SLC14A2: variants seen among roughly 807,000 people sequenced by gnomAD.
SLC14A2 encodes the protein urea transporter 2.
A neutral mutation model predicts 104.6 loss-of-function variants in SLC14A2; 91 were observed. The ratio of observed to expected loss-of-function variants is 0.87; its 90% CI spans 0.73 to 1.04. The LOEUF is 1.04. Among genes scored for constraint, SLC14A2 ranks in the 50% least tolerant of loss-of-function variants. SLC14A2 has a pLI of 0.00. For missense variants in SLC14A2, 1,189 were observed against 1,156.0 expected (o/e 1.03, Z -0.41); for synonymous variants, 476 against 466.4 (o/e 1.02, Z -0.27).
chr18:45,342,706 A>T (rs898980985), intron 1 of SLC14A2, among the ~76,000 whole-genome samples: 11 of 152,224 alleles, frequency 7.2e-5, no homozygotes, highest in Non-Finnish European at 1.5e-4. Context: ...ACTATTCAAG[A>T]CATACTTAGG....
Position 45,475,532 on chromosome 18 carries a change from T to C in SLC14A2, c.-124-7701T>C, listed in dbSNP as rs1418956553. Among the ~76,000 whole-genome samples the C allele has an allele frequency of 2.0e-5, 3 of 150,412 alleles. No homozygotes were observed. The East Asian group carries it at 5.8e-4, about 29-fold the overall frequency. ...TCTCTAAGAACTTGCTTTATGAATATGGGTGCTCCTGTATTGGGTGCATAT... is the reference window on the plus strand; with the variant it reads ...TCTCTAAGAACTTGCTTTATGAATACGGGTGCTCCTGTATTGGGTGCATAT... On this transcript the variant is annotated intron_variant, in intron 1 of 20. Coordinates refer to the SLC14A2 transcript ENST00000586448.
At chr18:45,249,339 T>G (rs1438804391) in intron 1 of SLC14A2, among the ~76,000 whole-genome samples, 1 of 151,728 alleles carries the variant, frequency 6.6e-6, no homozygotes, top group African/African-American at 2.4e-5. Context: ...TATTGCTAAC[T>G]GTGTGTGTGT....
intron 1 of SLC14A2, among the ~76,000 whole-genome samples, chr18:45,308,107 A>G (rs765805837): frequency 2.0e-5 from 3 of 152,184 alleles, no homozygotes; most frequent in African/African-American, 7.2e-5. Flanking sequence ...GCACCAAGCC[A>G]TTCATGAGGG....
chr18:45,426,806 C>T (rs1406837637), intron 1 of SLC14A2, among the ~76,000 whole-genome samples: 4 of 151,286 alleles, frequency 2.6e-5, no homozygotes, highest in African/African-American at 4.9e-5. Flanking sequence ...GAGTATTGTC[C>T]CAGGTTCCTG....
intron 1 of SLC14A2, among the ~76,000 whole-genome samples, chr18:45,235,392 A>C (rs1379127889): frequency 6.6e-6 from 1 of 152,160 alleles, no homozygotes; most frequent in African/African-American, 2.4e-5. Context: ...AATATCCATC[A>C]CTTCAAACAT....
At chr18:45,198,802 C>G in the SLC14A2 span, among the ~76,000 whole-genome samples, 162 of 152,176 alleles carry the variant, frequency 1.1e-3, 1 homozygote, top group Middle Eastern at 0.01. Context: ...TCTCCTCACT[C>G]TAATTTTCTT....
chr18:45,207,111 C>T, the SLC14A2 span, among the ~76,000 whole-genome samples: 1 of 152,084 alleles, frequency 6.6e-6, no homozygotes, highest in African/African-American at 2.4e-5. Flanking sequence ...ACTACTAGAG[C>T]ATATCTGTGT....
At chr18:45,522,587 G>C (rs1568257343) in intron 2 of SLC14A2, among the ~76,000 whole-genome samples, 1 of 152,140 alleles carries the variant, frequency 6.6e-6, no homozygotes, top group East Asian at 1.9e-4. Context: ...CGGGAAACAG[G>C]CCTAGTTCTC....
At chr18:45,443,464 C>T (rs1022351655) in intron 1 of SLC14A2, among the ~76,000 whole-genome samples, 3 of 152,112 alleles carry the variant, frequency 2.0e-5, no homozygotes, top group African/African-American at 7.2e-5. Context: ...ACAATCTTTC[C>T]GTGGATGTGT....
chr18:45,514,870 T>A (rs554382386), intron 2 of SLC14A2, among the ~76,000 whole-genome samples: 1 of 152,346 alleles, frequency 6.6e-6, no homozygotes, highest in African/African-American at 2.4e-5. Flanking sequence ...CATAGAAATG[T>A]TAATTGAAAT....
intron 1 of SLC14A2, among the ~76,000 whole-genome samples, chr18:45,297,783 C>T (rs1038871384): frequency 6.6e-6 from 1 of 152,172 alleles, no homozygotes; most frequent in Non-Finnish European, 1.5e-5. Flanking sequence ...GACATCTTGA[C>T]CAGTCTTTTT....
At chr18:45,580,549 G>A (rs555382359) in intron 2 of SLC14A2, among the ~76,000 whole-genome samples, 2 of 152,342 alleles carry the variant, frequency 1.3e-5, no homozygotes, top group African/African-American at 2.4e-5. Flanking sequence ...GAAGAAGACA[G>A]TCTAGGGAGC....
intron 1 of SLC14A2, among the ~76,000 whole-genome samples, chr18:45,223,105 A>G (rs74828269): frequency 0.016 from 2,382 of 152,270 alleles, 67 homozygotes; most frequent in African/African-American, 0.052. Flanking sequence ...ATTTCATTCA[A>G]TCCTTCCAGC....
At chr18:45,344,982 G>A (rs1041682511) in intron 1 of SLC14A2, among the ~76,000 whole-genome samples, 1 of 152,206 alleles carries the variant, frequency 6.6e-6, no homozygotes, top group East Asian at 1.9e-4. Flanking sequence ...TTCCCTCACT[G>A]TGATAAGCGT....
chr18:45,675,709 A>ATATATTTT (rs57989993), intron 18 of SLC14A2, among the ~76,000 whole-genome samples: 6 of 78,384 alleles, frequency 7.7e-5, no homozygotes, highest in African/African-American at 2.9e-4. Context: ...ATATATATAT[A>ATATATTTT]TTTTTTTTTT....
At chr18:45,429,608 GC>G (rs1250661271) in intron 1 of SLC14A2, among the ~76,000 whole-genome samples, 1 of 152,190 alleles carries the variant, frequency 6.6e-6, no homozygotes, top group Non-Finnish European at 1.5e-5. Context: ...GGCCTCTCCA[GC>G]CTGACCAGTC....
Position 45,682,860 on chromosome 18 carries a change from C to CTTTTTTAAT in SLC14A2, c.*341_*342insTTTTTTAAT. On this transcript the variant is annotated 3_prime_UTR_variant, in exon 20 of 20. Transcript: ENST00000255226. ...CTGTAATCCCAGCACTTTGGGAGGC[C>CTTTTTTAAT]GAGGCGGGTGGATCACGAGGTCAGG... The CTTTTTTAAT allele has an allele frequency of 4.0e-6, 1 of 250,862 alleles. No individual in the cohort carries two copies. Among genetic ancestry groups the CTTTTTTAAT allele is most frequent in the Non-Finnish European group, 8.0e-6 (1 of 125,034 alleles). 15.5% of individuals were successfully genotyped at this position (250,862 alleles called of 1,614,324 possible).
intron 1 of SLC14A2, among the ~76,000 whole-genome samples, chr18:45,341,306 A>C (rs2085391266): frequency 6.6e-6 from 1 of 152,234 alleles, no homozygotes; most frequent in Non-Finnish European, 1.5e-5. Flanking sequence ...ATTGATCTTC[A>C]TTATTTGCCA....
Position 45,414,324 on chromosome 18 carries a change from G to A in SLC14A2, c.-124-68909G>A, listed in dbSNP as rs150236366. On this transcript the variant is annotated intron_variant, in intron 1 of 20. Transcript: ENST00000586448. ...AAAACCTCACCTTGGGTGATTCTCA[G>A]CTGGGAAGTGGCCCTAGCTAAATAA... Among the ~76,000 whole-genome samples the A allele has an allele frequency of 3.0e-3, 458 of 152,312 alleles. 1 individual carries two copies. Among genetic ancestry groups the A allele is most frequent in the African/African-American group, 0.011 (440 of 41,564 alleles).
Sources: gnomAD v4.1 joint callset for allele counts (sites outside exome capture counted in the v4.1 genomes callset) on GRCh38, gnomAD v4.1.1 for gene constraint, MANE v1.5 for transcripts, NCBI Gene and HGNC (gene_info 2026-07-23, HGNC 2026-07-21) for gene names.